NRG1: variants seen among roughly 807,000 people sequenced by gnomAD.
The protein encoded by NRG1 is neuregulin 1.
A neutral mutation model predicts 63.8 loss-of-function variants in NRG1; 18 were observed. The observed-to-expected ratio is 0.28, with a 90% CI of 0.19 to 0.42. NRG1 has a LOEUF of 0.42. Ranked by LOEUF, NRG1 falls within the 10% of genes least tolerant of loss-of-function variation. NRG1 has a pLI of 1.00. For synonymous variants in NRG1, 302 were observed against 301.3 expected (o/e 1.00, Z -0.02); for missense variants, 762 against 814.7 (o/e 0.94, Z 0.79).
rs548054429 is a variant in NRG1, at chr8:31,690,943, G to A, written c.37+51512G>A. Among the ~76,000 whole-genome samples, 24 of 152,296 alleles carry A rather than the reference G, an allele frequency of 1.6e-4. No homozygotes were observed. The South Asian group carries it at 4.8e-3, about 30-fold the overall frequency. ...AGTTTAGGAAAGAGGTCTGGAATAT[G>A]TGTAAATATGGGAGCCATCAGCACA... On this transcript the variant is annotated intron_variant, in intron 1 of 10. Coordinates refer to the NRG1 transcript ENST00000519301.
chr8:31,816,826 G>T (rs1158202646), intron 1 of NRG1, among the ~76,000 whole-genome samples: 1 of 152,070 alleles, frequency 6.6e-6, no homozygotes, highest in East Asian at 1.9e-4. Context: ...ACAAAGCCCA[G>T]TTAAGTGTTT....
exon 12 of NRG1, chr8:32,763,845 G>C (rs373628055): frequency 3.1e-6 from 5 of 1,613,690 alleles, no homozygotes; most frequent in Non-Finnish European, 4.2e-6. Flanking sequence ...GTCTCCACCC[G>C]TGTCCAGCAT....
chr8:32,385,248 G>C (rs1468737896), intron 1 of NRG1, among the ~76,000 whole-genome samples: 2 of 151,776 alleles, frequency 1.3e-5, no homozygotes, highest in Non-Finnish European at 2.9e-5. Context: ...GGATCGTCTC[G>C]GTCTCCTGAC....
At chr8:31,901,792 T>C (rs1277801000) in intron 1 of NRG1, among the ~76,000 whole-genome samples, 1 of 152,228 alleles carries the variant, frequency 6.6e-6, no homozygotes, top group African/African-American at 2.4e-5. Context: ...TCCAGGAAGA[T>C]ACTACTTTCT....
At chr8:32,076,780 T>TTGTG (rs1826636945) in intron 1 of NRG1, among the ~76,000 whole-genome samples, 2 of 152,068 alleles carry the variant, frequency 1.3e-5, no homozygotes, top group African/African-American at 4.8e-5. Flanking sequence ...ACGTGAATGA[T>TTGTG]TGTGCCAAAT....
intron 1 of NRG1, among the ~76,000 whole-genome samples, chr8:31,904,666 T>C (rs562336531): frequency 6.6e-6 from 1 of 152,164 alleles, no homozygotes; most frequent in South Asian, 2.1e-4. Context: ...GGAAATGCGG[T>C]ACATATACAT....
At chr8:32,754,817 T>C (rs1829385762) in intron 8 of NRG1, among the ~76,000 whole-genome samples, 1 of 152,030 alleles carries the variant, frequency 6.6e-6, no homozygotes, top group Non-Finnish European at 1.5e-5. Context: ...AGAAGTCCAT[T>C]TGAGGGCTTT....
chr8:32,210,624 A>G (rs865830405), intron 1 of NRG1, among the ~76,000 whole-genome samples: 2 of 152,208 alleles, frequency 1.3e-5, no homozygotes, highest in African/African-American at 4.8e-5. Context: ...GATGAACTTC[A>G]TCACTAAAAA....
At chr8:32,069,317 T>C (rs897931632) in intron 1 of NRG1, among the ~76,000 whole-genome samples, 24 of 152,198 alleles carry the variant, frequency 1.6e-4, no homozygotes, top group African/African-American at 5.5e-4. Flanking sequence ...GCATATGTTA[T>C]GGGAGATCAT....
intron 1 of NRG1, among the ~76,000 whole-genome samples, chr8:31,853,925 C>T (rs576403055): frequency 0.032 from 4,894 of 151,240 alleles, 252 homozygotes; most frequent in African/African-American, 0.11. Flanking sequence ...TATTGATTTG[C>T]GTGTATTGAA....
At chr8:32,718,737 G>A (rs1321144689) in intron 5 of NRG1, among the ~76,000 whole-genome samples, 1 of 151,954 alleles carries the variant, frequency 6.6e-6, no homozygotes, top group African/African-American at 2.4e-5. Context: ...CCCTTTAGTG[G>A]AATGCCATCT....
At chr8:32,274,288 A>C (rs1039565025) in intron 1 of NRG1, among the ~76,000 whole-genome samples, 4 of 152,156 alleles carry the variant, frequency 2.6e-5, no homozygotes, top group African/African-American at 9.6e-5. Context: ...AAAACAATGC[A>C]CGTGCAACTT....
At chr8:32,357,480 T>C (rs1806593842) in intron 1 of NRG1, among the ~76,000 whole-genome samples, 1 of 152,180 alleles carries the variant, frequency 6.6e-6, no homozygotes, top group Admixed American at 6.5e-5. Context: ...TAGACATGAG[T>C]TAACGTATGT....
intron 1 of NRG1, among the ~76,000 whole-genome samples, chr8:31,904,088 C>T (rs1001326201): frequency 1.1e-4 from 16 of 152,150 alleles, no homozygotes; most frequent in Non-Finnish European, 1.8e-4. Flanking sequence ...AAAAATCACA[C>T]GTAGCTCCAA....
At chr8:32,118,480 T>C (rs1477425252) in intron 1 of NRG1, among the ~76,000 whole-genome samples, 1 of 152,118 alleles carries the variant, frequency 6.6e-6, no homozygotes, top group Non-Finnish European at 1.5e-5. Flanking sequence ...CATTGCTTCT[T>C]ACACATTGTG....
chr8:32,002,581 C>A (rs1563668504), intron 1 of NRG1, among the ~76,000 whole-genome samples: 1 of 151,846 alleles, frequency 6.6e-6, no homozygotes, highest in Non-Finnish European at 1.5e-5. Flanking sequence ...CCAGGCTTAT[C>A]TTGCATATTT....
chr8:31,727,484 T>G (rs13260061), intron 1 of NRG1, among the ~76,000 whole-genome samples: 43,540 of 152,116 alleles, frequency 0.29, 7,250 homozygotes, highest in Non-Finnish European at 0.36. Flanking sequence ...TTGATGAAAA[T>G]TAAGCCATAA....
intron 1 of NRG1, among the ~76,000 whole-genome samples, chr8:31,971,712 T>C (rs1807308555): frequency 6.6e-6 from 1 of 151,978 alleles, no homozygotes. Flanking sequence ...GATTAAATTG[T>C]TTAAAAAAAA....
chr8:32,517,633 A>G (rs767508909), intron 1 of NRG1, among the ~76,000 whole-genome samples: 1 of 152,204 alleles, frequency 6.6e-6, no homozygotes, highest in Non-Finnish European at 1.5e-5. Context: ...AAAGTTAAGC[A>G]TATAGCCTAT....
Sources: allele counts gnomAD v4.1 joint callset (sites outside exome capture counted in the v4.1 genomes callset), GRCh38; gene constraint gnomAD v4.1.1; transcripts MANE v1.5; gene names NCBI Gene and HGNC (gene_info 2026-07-23, HGNC 2026-07-21).